The following CLEC16A variants were observed in gnomAD, a reference collection of about 807,000 sequenced individuals.
CLEC16A encodes protein CLEC16A.
Under a neutral mutation model 109.5 loss-of-function variants are expected in CLEC16A, and 51 were observed. The observed-to-expected ratio is 0.47, with a 90% CI of 0.37 to 0.59. The LOEUF is 0.59. CLEC16A is among the 20% of genes least tolerant of loss of function. CLEC16A has a pLI of 0.00. For missense variants in CLEC16A, 1,339 were observed against 1,394.0 expected (o/e 0.96, Z 0.63); for synonymous variants, 673 against 564.2 (o/e 1.19, Z -2.73).
chr16:11,166,362 T>C lies in CLEC16A; in HGVS notation c.2642-26T>C, dbSNP rs557502126. ...CTCAGGCCTACTCTTTGCTTCCACT[T>C]GGTCACCTGGTACTTTGTCTTGCAG... On this transcript the variant is annotated intron_variant, in intron 22 of 23. Coordinates refer to ENST00000409790, the MANE Select transcript of CLEC16A (RefSeq NM_015226.3). The C allele has an allele frequency of 3.8e-6, 6 of 1,576,040 alleles. No homozygotes were observed. The African/African-American group carries it at 5.4e-5, about 14-fold the overall frequency.
intron 18 of CLEC16A, among the ~76,000 whole-genome samples, chr16:11,058,004 G>C (rs1359338309): frequency 4.0e-5 from 6 of 149,674 alleles, no homozygotes; most frequent in Admixed American, 1.3e-4. Context: ...TTTGGGTGTG[G>C]TGGGGTGAAT....
intron 11 of CLEC16A, among the ~76,000 whole-genome samples, chr16:11,014,304 G>A (rs2045611186): frequency 6.6e-6 from 1 of 152,210 alleles, no homozygotes; most frequent in Admixed American, 6.5e-5. Context: ...TTTCACAGCT[G>A]TGCTGTGTGT....
chr16:11,079,711 T>C (rs1024990631), intron 19 of CLEC16A, among the ~76,000 whole-genome samples: 1 of 152,250 alleles, frequency 6.6e-6, no homozygotes, highest in African/African-American at 2.4e-5. Flanking sequence ...AATATGCATG[T>C]CATTTAAATG....
At chr16:11,003,874 C>G (rs1010695036) in intron 11 of CLEC16A, among the ~76,000 whole-genome samples, 8 of 151,556 alleles carry the variant, frequency 5.3e-5, no homozygotes, top group Non-Finnish European at 1.0e-4. Flanking sequence ...GTGGCTCACA[C>G]CTTAATCCCA....
intron 22 of CLEC16A, among the ~76,000 whole-genome samples, chr16:11,135,887 C>G (rs532534362): frequency 2.0e-5 from 3 of 152,360 alleles, no homozygotes; most frequent in South Asian, 2.1e-4. Flanking sequence ...GGATAGAGCT[C>G]TCCAGCCTCA....
chr16:11,176,140 A>G (rs2141035226), intron 23 of CLEC16A, among the ~76,000 whole-genome samples: 1 of 152,382 alleles, frequency 6.6e-6, no homozygotes, highest in African/African-American at 2.4e-5. Context: ...AGGGAACCAC[A>G]GGTTCTGAGG....
chr16:11,030,774 A>G (rs1000645937), intron 13 of CLEC16A, among the ~76,000 whole-genome samples: 12 of 152,166 alleles, frequency 7.9e-5, no homozygotes, highest in African/African-American at 2.9e-4. Context: ...CCTCCAGAGT[A>G]GCTGGGACTA....
intron 16 of CLEC16A, 60 bp from the exon 17 acceptor site, chr16:11,047,232 C>G: frequency 7.0e-7 from 1 of 1,437,540 alleles, no homozygotes; most frequent in South Asian, 1.3e-5. Flanking sequence ...TTATAATACT[C>G]TGTTGTTTAT....
intron 10 of CLEC16A, among the ~76,000 whole-genome samples, chr16:10,989,304 T>G (rs2146993642): frequency 6.6e-6 from 1 of 152,178 alleles, no homozygotes; most frequent in East Asian, 1.9e-4. Context: ...CACTGCAGCC[T>G]CAGCCTCCCC....
intron 1 of CLEC16A, among the ~76,000 whole-genome samples, chr16:10,949,319 A>G (rs1013912223): frequency 6.6e-6 from 1 of 152,144 alleles, no homozygotes; most frequent in African/African-American, 2.4e-5. Context: ...TGTCACGTCT[A>G]AGTTCTTCCA....
chr16:10,986,813 C>T lies in CLEC16A; in HGVS notation c.1071+3822C>T, dbSNP rs139224411. 7.7e-3 allele frequency among the ~76,000 whole-genome samples: 1,159 copies of T among 151,016 alleles called. 20 individuals carry two copies. Among genetic ancestry groups the T allele is most frequent in the African/African-American group, 0.027 (1,108 of 40,982 alleles). ...TTTCTTTCTTTATCCATTTATCCAT[C>T]ATTATGCAGTTTTAGTTTTTTTGAT... is the stretch of plus-strand genomic sequence containing the variant. On this transcript the variant is annotated intron_variant, in intron 10 of 23. Transcript: ENST00000409790.
intron 12 of CLEC16A, among the ~76,000 whole-genome samples, chr16:11,021,567 G>A (rs527673855): frequency 1.5e-4 from 23 of 152,208 alleles, no homozygotes; most frequent in Admixed American, 1.3e-3. Flanking sequence ...GGAGGCCAAG[G>A]GGGGAGGATC....
At chr16:11,000,094 T>A (rs960029013) in intron 10 of CLEC16A, among the ~76,000 whole-genome samples, 3 of 152,194 alleles carry the variant, frequency 2.0e-5, no homozygotes, top group African/African-American at 7.2e-5. Flanking sequence ...TGCCTGGGCC[T>A]CCCAAAGTGC....
At position 10,959,686 on chromosome 16, in the gene CLEC16A, C is replaced by G. The variant is rs969019408; in HGVS notation, c.209+1776C>G. 1.3e-4 allele frequency among the ~76,000 whole-genome samples: 20 copies of G among 152,044 alleles called. 1 individual carries two copies. Among genetic ancestry groups the G allele is most frequent in the Admixed American group, 7.2e-4 (11 of 15,274 alleles). On this transcript the variant is annotated intron_variant, in intron 2 of 23. Coordinates refer to ENST00000409790, the MANE Select transcript of CLEC16A (RefSeq NM_015226.3). ...GGATTACAGGCATGAGCCACCGTGCCCAGCTGGAATTTTTTTTTTTTAAAT... is the reference window on the plus strand; with the variant it reads ...GGATTACAGGCATGAGCCACCGTGCGCAGCTGGAATTTTTTTTTTTTAAAT...
At chr16:10,971,346 G>A in intron 5 of CLEC16A, 116 bp downstream of exon 5, 1 of 829,844 alleles carries the variant, frequency 1.2e-6, no homozygotes, top group Non-Finnish European at 1.9e-6. Flanking sequence ...TTGATGATGA[G>A]CCGTGGCAGC....
chr16:11,098,989 CCTA>C (rs2050757355), intron 19 of CLEC16A, among the ~76,000 whole-genome samples: 1 of 152,226 alleles, frequency 6.6e-6, no homozygotes, highest in Non-Finnish European at 1.5e-5. Flanking sequence ...ATTGATCATA[CCTA>C]CTTGCTCTGT....
At chr16:11,019,172 T>C (rs1010469601) in intron 11 of CLEC16A, among the ~76,000 whole-genome samples, 13 of 152,286 alleles carry the variant, frequency 8.5e-5, no homozygotes, top group African/African-American at 2.9e-4. Context: ...GGGAAAAAGA[T>C]GTGAACTCTG....
At chr16:11,021,220 G>A (rs2046080547) in intron 12 of CLEC16A, among the ~76,000 whole-genome samples, 1 of 152,132 alleles carries the variant, frequency 6.6e-6, no homozygotes, top group Admixed American at 6.6e-5. Flanking sequence ...CTCTTTGCTT[G>A]GCAAATGTTT....
At chr16:11,024,749 G>T (rs1382326629) in intron 12 of CLEC16A, 72 bp from the exon 13 acceptor site, 11 of 1,182,330 alleles carry the variant, frequency 9.3e-6, no homozygotes, top group East Asian at 5.1e-5. Context: ...AGCACCCCAT[G>T]TGCAGGTTAG....
Sources: gnomAD v4.1 joint callset for allele counts (sites outside exome capture counted in the v4.1 genomes callset) on GRCh38, gnomAD v4.1.1 for gene constraint, MANE v1.5 for transcripts, NCBI Gene and HGNC (gene_info 2026-07-23, HGNC 2026-07-21) for gene names.